The following ZNF710 variants were observed in gnomAD, a reference collection of about 807,000 sequenced individuals.
ZNF710 encodes zinc finger protein 710.
In ZNF710, 13 loss-of-function variants were observed where a neutral mutation model predicts 50.6. The observed-to-expected ratio is 0.26, with a 90% CI of 0.17 to 0.41. The LOEUF (loss-of-function observed/expected upper bound fraction) is 0.41. ZNF710 is among the 10% of genes least tolerant of loss of function. ZNF710 has a pLI of 1.00. For synonymous variants in ZNF710, 383 were observed against 397.0 expected (o/e 0.96, Z 0.42); for missense variants, 721 against 936.6 (o/e 0.77, Z 3.01).
chr15:90,067,252 A>G lies in ZNF710; in HGVS notation c.115A>G (p.Ser39Gly). The G allele has an allele frequency of 6.2e-7, 1 of 1,613,366 alleles. No individual in the cohort carries two copies. Among genetic ancestry groups the G allele is most frequent in the Non-Finnish European group, 8.5e-7 (1 of 1,179,836 alleles). The part of the protein sequence containing the change: ...SENELFGATI[S>G]AEAFYPDLGP... ...AAATGAGCTCTTTGGAGCTACCATAAGCGCCGAGGCCTTCTACCCGGACCT... is the reference window on the plus strand; with the variant it reads ...AAATGAGCTCTTTGGAGCTACCATAGGCGCCGAGGCCTTCTACCCGGACCT... Residue 39 changes from serine (S) to glycine (G), a missense_variant, in exon 2 of 5, where the codon AGC becomes GGC. By Grantham distance (56) the Ser-to-Gly change is moderately conservative. Coordinates refer to ENST00000268154, the MANE Select transcript of ZNF710 (RefSeq NM_198526.4). This position sits in a 1 kb window ranked among gnomAD's most constrained non-coding sequence, Gnocchi z 8.1.
Position 90,067,364 on chromosome 15 carries a change from T to C in ZNF710, c.227T>C (p.Leu76Ser). The C allele has an allele frequency of 6.3e-7, 1 of 1,598,348 alleles. No individual in the cohort carries two copies. The highest frequency in any genetic ancestry group is 1.1e-5 in the South Asian group (1 of 89,110). Residue 76 changes from leucine (L) to serine (S), a missense_variant, in exon 2 of 5, where the codon TTG becomes TCG. Coordinates refer to ENST00000268154, the MANE Select transcript of ZNF710 (RefSeq NM_198526.4). This position sits in a 1 kb window ranked among gnomAD's most constrained non-coding sequence, Gnocchi z 8.1. ...VYQLACNGRA[L>S]EEPAEEEVLE... is the part of the protein sequence containing the mutation. ...CAGCTGGCCTGCAACGGGAGGGCCT[T>C]GGAGGAGCCGGCGGAGGAGGAGGTG...
intron 4 of ZNF710, among the ~76,000 whole-genome samples, chr15:90,078,733 T>A (rs1242335357): frequency 6.6e-6 from 1 of 152,196 alleles, no homozygotes; most frequent in Non-Finnish European, 1.5e-5. Flanking sequence ...CAAAGAATTA[T>A]GGCCCTAAGT....
chr15:90,077,609 C>G (rs879523363), intron 4 of ZNF710, among the ~76,000 whole-genome samples: 4 of 152,026 alleles, frequency 2.6e-5, no homozygotes, highest in Non-Finnish European at 4.4e-5. Flanking sequence ...GGCACTAGGA[C>G]TGAGGGAAGA....
chr15:90,070,922 T>C lies in ZNF710; in HGVS notation c.1459-2149T>C, dbSNP rs142580908. The stretch of plus-strand genomic sequence containing the variant: ...AGTGATTGTGCAGGGTGACAGCATA[T>C]ATGCTATATATTTGCCATCTTTCTC... On this transcript the variant is annotated intron_variant, in intron 2 of 4. Coordinates refer to ENST00000268154, the MANE Select transcript of ZNF710 (RefSeq NM_198526.4). Among the ~76,000 whole-genome samples the C allele has an allele frequency of 1.8e-3, 276 of 152,340 alleles. 2 individuals are homozygous for C. Among genetic ancestry groups the C allele is most frequent in the Admixed American group, 6.1e-3 (94 of 15,300 alleles).
intron 1 of ZNF710, among the ~76,000 whole-genome samples, chr15:90,012,535 G>C (rs1898341966): frequency 6.6e-6 from 1 of 152,004 alleles, no homozygotes; most frequent in Non-Finnish European, 1.5e-5. Flanking sequence ...CTCCCAAAGT[G>C]CTGGGATTAC....
chr15:90,053,871 A>G (rs1899725112), intron 1 of ZNF710, among the ~76,000 whole-genome samples: 1 of 151,952 alleles, frequency 6.6e-6, no homozygotes, highest in Admixed American at 6.5e-5. Context: ...TCAATAGAGA[A>G]GCTTCCCTGT....
At chr15:90,004,454 T>C (rs1898088903) in intron 1 of ZNF710, among the ~76,000 whole-genome samples, 2 of 152,180 alleles carry the variant, frequency 1.3e-5, no homozygotes, top group African/African-American at 4.8e-5. Context: ...ACCCCTCCCA[T>C]ACCCTCGTTC....
intron 1 of ZNF710, among the ~76,000 whole-genome samples, chr15:90,007,612 A>T (rs543590791): frequency 6.6e-6 from 1 of 151,676 alleles, no homozygotes; most frequent in African/African-American, 2.4e-5. Context: ...CATAATTGTA[A>T]ACACTTTATA....
intron 1 of ZNF710, among the ~76,000 whole-genome samples, chr15:90,036,308 G>A (rs980537345): frequency 7.0e-6 from 1 of 142,206 alleles, no homozygotes; most frequent in Admixed American, 7.9e-5. Flanking sequence ...CCTTTCACAG[G>A]TTTGCTGTAT....
chr15:90,066,972 T>C (rs1596055712), intron 1 of ZNF710, 138 bp from the exon 2 acceptor site: 6 of 912,922 alleles, frequency 6.6e-6, no homozygotes, highest in South Asian at 1.9e-5. Flanking sequence ...AAGTGTGCCC[T>C]GTTCCCAAGG....
chr15:90,070,729 G>C (rs1381519579), intron 2 of ZNF710, among the ~76,000 whole-genome samples: 1 of 152,112 alleles, frequency 6.6e-6, no homozygotes, highest in Non-Finnish European at 1.5e-5. Flanking sequence ...TGAAGCAGGA[G>C]GATTGCTTGA....
chr15:90,067,481 A>C lies in ZNF710; in HGVS notation c.344A>C (p.Glu115Ala). The change falls in exon 2 of 5, where the codon GAG becomes GCG. Residue 115 changes from glutamate (E) to alanine (A), a missense_variant. By Grantham distance (107) the Glu-to-Ala change is moderately radical. Transcript: ENST00000268154. The surrounding 1 kb of genome is among the most constrained non-coding windows in gnomAD (Gnocchi z 8.1). The part of the protein sequence containing the change: ...LVPKVKFEKV[E>A]EEEQEVYEVS... The stretch of plus-strand genomic sequence containing the variant: ...CCCAAGGTCAAGTTCGAGAAGGTGG[A>C]GGAGGAGGAACAGGAGGTCTATGAG... 1 of 1,613,208 alleles carries C rather than the reference A, an allele frequency of 6.2e-7. No individual in the cohort carries two copies. The highest frequency in any genetic ancestry group is 8.5e-7 in the Non-Finnish European group (1 of 1,179,548).
intron 1 of ZNF710, among the ~76,000 whole-genome samples, chr15:90,026,181 A>C (rs1326854964): frequency 6.6e-6 from 1 of 151,792 alleles, no homozygotes; most frequent in Non-Finnish European, 1.5e-5. Context: ...GTTTTTAAAC[A>C]AACAGTAAAG....
intron 4 of ZNF710, among the ~76,000 whole-genome samples, chr15:90,078,397 C>G (rs1459725893): frequency 6.6e-6 from 1 of 152,118 alleles, no homozygotes; most frequent in Admixed American, 6.6e-5. Flanking sequence ...CTTCCTTGTT[C>G]ACATCCAGTG....
chr15:90,067,748 T>C lies in ZNF710; in HGVS notation c.611T>C (p.Met204Thr). 3 of 1,594,172 alleles carry C rather than the reference T, an allele frequency of 1.9e-6. No homozygotes were observed. The highest frequency in any genetic ancestry group is 2.6e-6 in the Non-Finnish European group (3 of 1,171,116). The change falls in exon 2 of 5, where the codon ATG becomes ACG. Residue 204 changes from methionine (M) to threonine (T), a missense_variant. Around this residue, in one of 3 missense-constraint regions of ZNF710, gnomAD observed 326 missense variants for 347.1 expected, o/e 0.94. Transcript: ENST00000268154. The surrounding 1 kb of genome is among the most constrained non-coding windows in gnomAD (Gnocchi z 8.1). ...CGGGATGGCTTCCCCGAGCCCAGCA[T>C]GGCGCTGCCTGGGCCAGAGGCCTTG... ...PARDGFPEPSMALPGPEALPT... is the reference protein window; with the variant it reads ...PARDGFPEPSTALPGPEALPT...
intron 1 of ZNF710, among the ~76,000 whole-genome samples, chr15:90,064,276 C>G (rs543392233): frequency 1.0e-3 from 152 of 152,358 alleles, no homozygotes; most frequent in Middle Eastern, 3.4e-3. Context: ...ACCCCTGCCT[C>G]ATTCACCTTG....
chr15:90,027,368 C>A (rs1416917542), intron 1 of ZNF710, among the ~76,000 whole-genome samples: 2 of 152,024 alleles, frequency 1.3e-5, no homozygotes, highest in Non-Finnish European at 2.9e-5. Flanking sequence ...GTGCCACCAA[C>A]CCGGCTAATT....
chr15:90,023,287 C>G (rs11855556), intron 1 of ZNF710, among the ~76,000 whole-genome samples: 93,845 of 152,096 alleles, frequency 0.62, 30,502 homozygotes, highest in African/African-American at 0.78. Flanking sequence ...AGCCACTGGA[C>G]AGCCTGGTGG....
At chr15:89,998,395 A>G (rs143279349), upstream of ZNF710, among the ~76,000 whole-genome samples, 1,485 of 152,310 alleles carry the variant, frequency 9.7e-3, 16 homozygotes, top group Non-Finnish European at 0.015. Context: ...TCTGCTGATC[A>G]GGCTGGGCCT....
Sources: allele counts gnomAD v4.1 joint callset (sites outside exome capture counted in the v4.1 genomes callset), GRCh38; gene constraint gnomAD v4.1.1; regional missense constraint gnomAD v4.1.1; non-coding constraint Gnocchi (gnomAD v3.1); transcripts MANE v1.5; gene names NCBI Gene and HGNC (gene_info 2026-07-23, HGNC 2026-07-21).